The following TMC2 variants were observed in gnomAD, a reference collection of about 807,000 sequenced individuals.
TMC2 encodes the protein transmembrane channel-like protein 2.
A neutral mutation model predicts 105.9 loss-of-function variants in TMC2; 102 were observed. The observed-to-expected ratio is 0.96, with a 90% CI of 0.82 to 1.14. TMC2 has a LOEUF of 1.14. Ranked by LOEUF, TMC2 falls within the 50% of genes most tolerant of loss-of-function variation. The pLI, the probability that TMC2 is intolerant of heterozygous loss-of-function variation, is 0.00. For synonymous variants in TMC2, 402 were observed against 422.8 expected (o/e 0.95, Z 0.60); for missense variants, 1,093 against 1,134.3 (o/e 0.96, Z 0.52).
At chr20:2,635,832 C>A in intron 17 of TMC2, 94 bp from the exon 18 acceptor site, 1 of 993,098 alleles carries the variant, frequency 1.0e-6, no homozygotes, top group Non-Finnish European at 1.6e-6. Flanking sequence ...AGTAACTATT[C>A]CAGGAATCCT....
intron 2 of TMC2, among the ~76,000 whole-genome samples, chr20:2,538,479 G>A (rs1250119492): frequency 2.0e-5 from 3 of 152,082 alleles, no homozygotes; most frequent in Non-Finnish European, 4.4e-5. Context: ...CGGTGCTCCC[G>A]TAGTGACCAC....
intron 19 of TMC2, among the ~76,000 whole-genome samples, chr20:2,640,896 A>T: frequency 6.6e-6 from 1 of 152,086 alleles, no homozygotes; most frequent in East Asian, 1.9e-4. Context: ...CAGAGAGTCT[A>T]GCCTAAGGCC....
intron 9 of TMC2, 124 bp downstream of exon 9, chr20:2,595,091 A>G (rs1363493430): frequency 1.8e-6 from 2 of 1,086,190 alleles, no homozygotes; most frequent in South Asian, 3.0e-5. Context: ...GAGCACAGAA[A>G]GCATATGCAC....
chr20:2,578,932 C>T (rs913567785), intron 5 of TMC2, among the ~76,000 whole-genome samples: 1 of 152,224 alleles, frequency 6.6e-6, no homozygotes, highest in Non-Finnish European at 1.5e-5. Context: ...TCACTTGTCT[C>T]TCACTCCAGG....
intron 7 of TMC2, among the ~76,000 whole-genome samples, chr20:2,591,108 G>A (rs1312751661): frequency 2.6e-5 from 4 of 151,930 alleles, no homozygotes; most frequent in Admixed American, 2.6e-4. Context: ...TTAAGGATAT[G>A]AATAAGGGCA....
At position 2,642,953 on chromosome 20, in the gene TMC2, G is replaced by A. The variant is rs911035028; in HGVS notation, c.*1602G>A. On this transcript the variant is annotated 3_prime_UTR_variant, in exon 20 of 20. Coordinates refer to ENST00000358864, the MANE Select transcript of TMC2 (RefSeq NM_080751.3). ...TCAGGCAAAGCCCTGGCAGAGAGAC[G>A]AAGATTTTTACAGCAATTTCATAAG... Among the ~76,000 whole-genome samples, 1 of 152,122 alleles carries A rather than the reference G, an allele frequency of 6.6e-6. No homozygotes were observed. The highest frequency in any genetic ancestry group is 2.4e-5 in the African/African-American group (1 of 41,398).
At chr20:2,589,270 C>CGGTGTGTG (rs1555774378) in intron 7 of TMC2, among the ~76,000 whole-genome samples, 1 of 116,292 alleles carries the variant, frequency 8.6e-6, no homozygotes, top group African/African-American at 3.9e-5. Context: ...CCTATTTGCC[C>CGGTGTGTG]TGTGTGTGTG....
In TMC2 at chr20:2,616,102, TC is replaced by T. The variant is rs777177785; in HGVS notation, c.1873-34del. The T allele has an allele frequency of 1.9e-3, 2,206 of 1,137,104 alleles. No homozygotes were observed. The highest frequency in any genetic ancestry group is 2.4e-3 in the Non-Finnish European group (1,951 of 817,986). 70.4% of individuals were successfully genotyped at this position (1,137,104 alleles called of 1,614,324 possible). ...AATTCACCAAACGTGCTTTTTTTTT[TC>T]TCTCTCTCTCTCGCTCCCTCCCTCC... On this transcript the variant is annotated intron_variant, in intron 14 of 19. Coordinates refer to ENST00000358864, the MANE Select transcript of TMC2 (RefSeq NM_080751.3). The surrounding 1 kb of genome is among the most constrained non-coding windows in gnomAD (Gnocchi z 4.8).
intron 12 of TMC2, 139 bp downstream of exon 12, chr20:2,610,737 C>G: frequency 2.2e-6 from 1 of 447,174 alleles, no homozygotes; most frequent in Non-Finnish European, 3.3e-6. Flanking sequence ...TAAAAAAAAA[C>G]TCCTTGGACT....
chr20:2,541,277 AAT>A (rs2085888198), intron 2 of TMC2, among the ~76,000 whole-genome samples: 1 of 152,206 alleles, frequency 6.6e-6, no homozygotes, highest in South Asian at 2.1e-4. Context: ...CCATTTTTAT[AAT>A]AGAAATAATG....
intron 11 of TMC2, among the ~76,000 whole-genome samples, chr20:2,608,993 A>G (rs2086414690): frequency 6.6e-6 from 1 of 152,210 alleles, no homozygotes; most frequent in Admixed American, 6.5e-5. Context: ...AAAACTATTA[A>G]CTGAATACCT....
chr20:2,607,308 T>G (rs991864770), intron 11 of TMC2, among the ~76,000 whole-genome samples: 1 of 152,148 alleles, frequency 6.6e-6, no homozygotes, highest in Non-Finnish European at 1.5e-5. Flanking sequence ...TCTCATCCCT[T>G]TTCTACTTTT....
Position 2,558,769 on chromosome 20 carries a change from A to G in TMC2, c.396A>G (p.Lys132=). 14 of 1,542,436 alleles carry G rather than the reference A, an allele frequency of 9.1e-6. No individual in the cohort carries two copies. The highest frequency in any genetic ancestry group is 1.1e-5 in the Non-Finnish European group (13 of 1,146,622). ...AGGAGAAGTCGAAGCGGCAGAAGAAACCCAGGTGTGTTGTGGCTCCGATTC... is the reference window on the plus strand; with the variant it reads ...AGGAGAAGTCGAAGCGGCAGAAGAAGCCCAGGTGTGTTGTGGCTCCGATTC... ...RREEKSKRQK[K]PRSSSLASSA... is the part of the protein sequence containing the mutation. The change falls in exon 3 of 20, where the codon AAA becomes AAG. Residue 132 remains lysine, a synonymous_variant. Transcript: ENST00000358864. This position sits in a 1 kb window ranked among gnomAD's most constrained non-coding sequence, Gnocchi z 4.6.
At chr20:2,621,555 G>T (rs6138587) in intron 16 of TMC2, among the ~76,000 whole-genome samples, 23 of 151,508 alleles carry the variant, frequency 1.5e-4, no homozygotes, top group African/African-American at 5.3e-4. Context: ...TATAATTCCA[G>T]CTACTCGCAA....
chr20:2,551,826 A>T (rs1402986269), intron 2 of TMC2, among the ~76,000 whole-genome samples: 1 of 152,192 alleles, frequency 6.6e-6, no homozygotes, highest in African/African-American at 2.4e-5. Context: ...ATTCCATCCC[A>T]TTGATCTAAT....
At chr20:2,604,125 G>C (rs2086371680) in intron 11 of TMC2, among the ~76,000 whole-genome samples, 1 of 152,310 alleles carries the variant, frequency 6.6e-6, no homozygotes, top group Admixed American at 6.5e-5. Context: ...GGGCATCGCT[G>C]TTTCTCTCTT....
At chr20:2,547,453 G>A (rs1446955130) in intron 2 of TMC2, among the ~76,000 whole-genome samples, 1 of 152,170 alleles carries the variant, frequency 6.6e-6, no homozygotes, top group Admixed American at 6.5e-5. Context: ...ACCTACACAA[G>A]TTAACCTAGA....
chr20:2,602,234 A>G lies in TMC2; in HGVS notation c.1346A>G (p.Tyr449Cys). ...CCLCGSGYLIYFVVKRSQQFS... is the reference protein window; with the variant it reads ...CCLCGSGYLICFVVKRSQQFS... ...TTGTGTGGAAGTGGGTACCTCATTT[A>G]CTTTGTGGTTAAGCGATCTCAGCAA... Residue 449 changes from tyrosine to cysteine, a missense_variant, in exon 11 of 20, where the codon TAC becomes TGC. Tyr to Cys is a radical substitution (Grantham distance 194). Coordinates refer to ENST00000358864, the MANE Select transcript of TMC2 (RefSeq NM_080751.3). 1 of 1,613,362 alleles carries G rather than the reference A, an allele frequency of 6.2e-7. No individual in the cohort carries two copies. The highest frequency in any genetic ancestry group is 8.5e-7 in the Non-Finnish European group (1 of 1,179,744).
At chr20:2,565,575 C>T (rs1415201716) in intron 4 of TMC2, among the ~76,000 whole-genome samples, 8 of 152,278 alleles carry the variant, frequency 5.3e-5, no homozygotes, top group East Asian at 1.9e-4. Flanking sequence ...CATTCGAGAA[C>T]GCAACCCCTT....
Sources: gnomAD v4.1 joint callset for allele counts (sites outside exome capture counted in the v4.1 genomes callset) on GRCh38, gnomAD v4.1.1 for gene constraint, Gnocchi (gnomAD v3.1) non-coding constraint, MANE v1.5 for transcripts, NCBI Gene and HGNC (gene_info 2026-07-23, HGNC 2026-07-21) for gene names.